HERC4: variants seen among roughly 807,000 people sequenced by gnomAD.
The protein encoded by HERC4 is HECT and RLD domain containing E3 ubiquitin protein ligase 4, also known as probable E3 ubiquitin-protein ligase HERC4.
A neutral mutation model predicts 124.3 loss-of-function variants in HERC4; 28 were observed. The ratio of observed to expected loss-of-function variants is 0.23; its 90% CI spans 0.17 to 0.31. HERC4 has a LOEUF of 0.31. Among genes scored for constraint, HERC4 ranks in the 10% least tolerant of loss-of-function variants. HERC4 has a pLI of 1.00. For synonymous variants in HERC4, 407 were observed against 421.5 expected (o/e 0.97, Z 0.42); for missense variants, 713 against 1,229.3 (o/e 0.58, Z 6.28).
intron 3 of HERC4, among the ~76,000 whole-genome samples, chr10:68,057,212 C>G (rs1254634226): frequency 6.6e-6 from 1 of 151,988 alleles, no homozygotes; most frequent in Non-Finnish European, 1.5e-5. Flanking sequence ...CACACTAAGC[C>G]AAAATATTAT....
chr10:68,002,532 A>G (rs1187972947), intron 9 of HERC4, among the ~76,000 whole-genome samples: 1 of 152,152 alleles, frequency 6.6e-6, no homozygotes, highest in East Asian at 1.9e-4. Context: ...ATAGGTATAT[A>G]CAAGTTTGGC....
chr10:68,001,113 G>A (rs1163395199), intron 9 of HERC4, among the ~76,000 whole-genome samples: 1 of 152,082 alleles, frequency 6.6e-6, no homozygotes, highest in African/African-American at 2.4e-5. Context: ...GCTCATATGC[G>A]TAATCCCAGC....
chr10:67,997,973 C>T (rs1024112989), intron 9 of HERC4, among the ~76,000 whole-genome samples: 2 of 152,058 alleles, frequency 1.3e-5, no homozygotes, highest in Non-Finnish European at 2.9e-5. Flanking sequence ...GTGATCTTGG[C>T]TCACTGCAAC....
chr10:67,959,023 C>T, intron 16 of HERC4: 1 of 1,063,542 alleles, frequency 9.4e-7, no homozygotes, highest in Non-Finnish European at 1.4e-6. Flanking sequence ...TTTAACCACA[C>T]CAAAAAAACG....
chr10:68,027,015 A>C (rs1010118174), intron 7 of HERC4, among the ~76,000 whole-genome samples: 2 of 152,192 alleles, frequency 1.3e-5, no homozygotes. Flanking sequence ...AACAAACAAA[A>C]AAACATATAA....
intron 9 of HERC4, among the ~76,000 whole-genome samples, chr10:68,011,512 T>G (rs2037953396): frequency 6.6e-6 from 1 of 152,232 alleles, no homozygotes; most frequent in South Asian, 2.1e-4. Flanking sequence ...AACATTAATC[T>G]CCATGTATAT....
Position 68,023,430 on chromosome 10 carries a change from G to A in HERC4, c.908+2116C>T, listed in dbSNP as rs117670172. The stretch of plus-strand genomic sequence containing the variant: ...CATGGGTGAACCTTGATGACACTAC[G>A]CTGAGTGAGATAAGTCAGTCACCAA... On this transcript the variant is annotated intron_variant, in intron 8 of 24. Coordinates refer to ENST00000373700, the MANE Select transcript of HERC4 (RefSeq NM_015601.4). Among the ~76,000 whole-genome samples the A allele has an allele frequency of 2.9e-4, 44 of 152,246 alleles. 1 individual carries two copies. In the East Asian group the frequency reaches 7.9e-3, roughly 27 times the overall value.
intron 9 of HERC4, among the ~76,000 whole-genome samples, chr10:68,000,408 A>T (rs660640): frequency 1 from 151,780 of 152,134 alleles, 75,713 homozygotes; most frequent in Middle Eastern, 1. Flanking sequence ...TAAAACCCCA[A>T]CTCTACAAAA....
intron 16 of HERC4, among the ~76,000 whole-genome samples, chr10:67,958,245 T>G (rs370655736): frequency 1.4e-4 from 21 of 152,308 alleles, no homozygotes; most frequent in African/African-American, 4.8e-4. Flanking sequence ...AAACATTCAC[T>G]CTTCAGTATT....
chr10:68,065,742 C>T (rs1395763261), intron 3 of HERC4, among the ~76,000 whole-genome samples: 1 of 151,968 alleles, frequency 6.6e-6, no homozygotes, highest in African/African-American at 2.4e-5. Context: ...CACATGTGGT[C>T]CCAGCTACTC....
intron 21 of HERC4, among the ~76,000 whole-genome samples, chr10:67,938,026 A>T (rs1564927617): frequency 6.6e-6 from 1 of 151,678 alleles, no homozygotes; most frequent in Non-Finnish European, 1.5e-5. Flanking sequence ...TGAACATGCA[A>T]TTTTTTTTGG....
intron 4 of HERC4, among the ~76,000 whole-genome samples, chr10:68,038,619 A>T (rs890663107): frequency 6.6e-6 from 1 of 152,174 alleles, no homozygotes; most frequent in African/African-American, 2.4e-5. Flanking sequence ...GGGTTTCTTA[A>T]GAACCAACAG....
chr10:67,926,319 C>T (rs960279305), intron 23 of HERC4, among the ~76,000 whole-genome samples: 1 of 151,844 alleles, frequency 6.6e-6, no homozygotes, highest in African/African-American at 2.4e-5. Context: ...ATCGCTTGAA[C>T]TTGGGAGACG....
At chr10:67,993,283 T>G (rs2036655393) in intron 9 of HERC4, 1 of 150,546 alleles carries the variant, frequency 6.6e-6, no homozygotes. Context: ...AGGCGGAGGT[T>G]GCAGTGAGCC....
chr10:68,011,347 G>T (rs1038951089), intron 9 of HERC4, among the ~76,000 whole-genome samples: 2 of 152,180 alleles, frequency 1.3e-5, no homozygotes, highest in Admixed American at 6.5e-5. Flanking sequence ...TTCTTTGAAG[G>T]TTTTCAATTT....
In HERC4 at chr10:67,992,601, A is replaced by AT. The variant is rs1320050105; in HGVS notation, c.1146+4dup. On this transcript the variant is annotated splice_donor_region_variant and intron_variant, in intron 10 of 24. Coordinates refer to ENST00000373700, the MANE Select transcript of HERC4 (RefSeq NM_015601.4). The stretch of plus-strand genomic sequence containing the variant: ...ATTTAATTATTTACATGACTATATT[A>AT]TTACCTGGGGACTAGAGTAATGTGA... 6.9e-7 allele frequency: 1 copy of AT among 1,459,302 alleles called. No homozygotes were observed. Among genetic ancestry groups the AT allele is most frequent in the Non-Finnish European group, 9.5e-7 (1 of 1,056,972 alleles). 90.4% of individuals were successfully genotyped at this position (1,459,302 alleles called of 1,614,324 possible).
At chr10:67,932,191 AC>A (rs1256444327) in intron 23 of HERC4, among the ~76,000 whole-genome samples, 2 of 152,168 alleles carry the variant, frequency 1.3e-5, no homozygotes, top group Non-Finnish European at 2.9e-5. Flanking sequence ...ACCTGACCTC[AC>A]GTGATCCATC....
intron 8 of HERC4, among the ~76,000 whole-genome samples, chr10:68,020,631 T>C (rs1021325446): frequency 1.9e-4 from 29 of 150,924 alleles, no homozygotes; most frequent in African/African-American, 6.3e-4. Context: ...TAGCCGGGCG[T>C]AGTGGCGGGC....
intron 8 of HERC4, among the ~76,000 whole-genome samples, chr10:68,016,381 T>A (rs1013534329): frequency 6.6e-6 from 1 of 151,974 alleles, no homozygotes; most frequent in Non-Finnish European, 1.5e-5. Context: ...TGAGATGGAG[T>A]CTCACTCTGT....
Sources: allele counts gnomAD v4.1 joint callset (sites outside exome capture counted in the v4.1 genomes callset), GRCh38; gene constraint gnomAD v4.1.1; transcripts MANE v1.5; gene names NCBI Gene and HGNC (gene_info 2026-07-23, HGNC 2026-07-21).